Variants in NCK2 observed in about 807,000 individuals in gnomAD.
The protein encoded by NCK2 is cytoplasmic protein NCK2.
A neutral mutation model predicts 33.9 loss-of-function variants in NCK2; 16 were observed. That is an observed-to-expected ratio of 0.47 (90% CI 0.32 to 0.72). The LOEUF (loss-of-function observed/expected upper bound fraction) is 0.72. NCK2 is among the 30% of genes least tolerant of loss of function. The pLI, the probability that NCK2 is intolerant of heterozygous loss-of-function variation, is 0.03. For missense variants in NCK2, 418 were observed against 537.3 expected (o/e 0.78, Z 2.19); for synonymous variants, 273 against 239.9 (o/e 1.14, Z -1.27).
At chr2:105,778,468 G>T (rs1009121908) in intron 1 of NCK2, among the ~76,000 whole-genome samples, 2 of 152,212 alleles carry the variant, frequency 1.3e-5, no homozygotes, top group Non-Finnish European at 2.9e-5. Context: ...CCTTAACACT[G>T]TGTGCATGGG....
At chr2:105,886,046 G>A (rs529445347) in intron 4 of NCK2, among the ~76,000 whole-genome samples, 1 of 152,212 alleles carries the variant, frequency 6.6e-6, no homozygotes, top group Non-Finnish European at 1.5e-5. Flanking sequence ...GTTAGGCTCC[G>A]TGATCCATGG....
chr2:105,874,584 A>C (rs1294104369), intron 3 of NCK2, among the ~76,000 whole-genome samples: 3 of 152,244 alleles, frequency 2.0e-5, no homozygotes, highest in African/African-American at 7.2e-5. Flanking sequence ...TAGAGCCCCC[A>C]AAACTTGAGC....
chr2:105,823,903 C>T (rs17031838), intron 2 of NCK2, among the ~76,000 whole-genome samples: 46,267 of 151,892 alleles, frequency 0.3, 9,141 homozygotes, highest in African/African-American at 0.53. Context: ...CGCCTTGTTC[C>T]GTGACCTTCC....
chr2:105,762,322 G>A (rs921488746), intron 1 of NCK2, among the ~76,000 whole-genome samples: 12 of 152,150 alleles, frequency 7.9e-5, no homozygotes, highest in Admixed American at 1.3e-4. Flanking sequence ...AGGCCCGGGC[G>A]CTTCCTGCTG....
At chr2:105,819,564 G>A (rs771318200) in intron 2 of NCK2, among the ~76,000 whole-genome samples, 1 of 152,142 alleles carries the variant, frequency 6.6e-6, no homozygotes, top group Non-Finnish European at 1.5e-5. Flanking sequence ...GCTGTTGTTG[G>A]TGCTGGTTGA....
intron 2 of NCK2, among the ~76,000 whole-genome samples, chr2:105,844,144 C>T (rs1377003923): frequency 6.6e-6 from 1 of 152,112 alleles, no homozygotes; most frequent in Non-Finnish European, 1.5e-5. Context: ...CAGACAAATC[C>T]TAACGGGTGG....
At chr2:105,862,635 A>C (rs1558875226) in intron 3 of NCK2, among the ~76,000 whole-genome samples, 1 of 152,226 alleles carries the variant, frequency 6.6e-6, no homozygotes, top group Non-Finnish European at 1.5e-5. Flanking sequence ...AGTAACTAGC[A>C]AGCCTTGAAG....
rs997273665 is a variant in NCK2, at chr2:105,761,842, T to A, written c.-201+16704T>A. 3.9e-5 allele frequency among the ~76,000 whole-genome samples: 6 copies of A among 152,362 alleles called. No individual in the cohort carries two copies. The East Asian group carries it at 7.7e-4, about 20-fold the overall frequency. ...CTGCAGTGAGCCGTGATCAGGCCCC[T>A]GTACTCCAGCCTATATGACAGTGAG... On this transcript the variant is annotated intron_variant, in intron 1 of 4. Coordinates refer to ENST00000233154, the MANE Select transcript of NCK2 (RefSeq NM_003581.5).
At chr2:105,854,860 T>C (rs1009086955) in intron 2 of NCK2, 188 bp from the exon 3 acceptor site, 11 of 540,042 alleles carry the variant, frequency 2.0e-5, no homozygotes, top group African/African-American at 1.7e-4. Flanking sequence ...ATAAGGTTGC[T>C]GTTTCTAAAC....
At chr2:105,815,368 C>T (rs1013118600) in intron 1 of NCK2, among the ~76,000 whole-genome samples, 4 of 152,104 alleles carry the variant, frequency 2.6e-5, no homozygotes, top group South Asian at 2.1e-4. Flanking sequence ...AAATAGAATT[C>T]GATTTTTCTA....
intron 1 of NCK2, among the ~76,000 whole-genome samples, chr2:105,798,033 T>C (rs557449040): frequency 1.3e-5 from 2 of 152,346 alleles, no homozygotes; most frequent in Non-Finnish European, 2.9e-5. Flanking sequence ...ACATTTTTAT[T>C]AATTTATGGT....
At chr2:105,845,808 C>T (rs1030571788) in intron 2 of NCK2, among the ~76,000 whole-genome samples, 2 of 152,120 alleles carry the variant, frequency 1.3e-5, no homozygotes, top group Non-Finnish European at 2.9e-5. Context: ...TATCCGTCTA[C>T]TTTGGGAGCA....
At chr2:105,854,995 A>G (rs1677201608) in intron 2 of NCK2, 53 bp from the exon 3 acceptor site, 2 of 1,387,664 alleles carry the variant, frequency 1.4e-6, no homozygotes, top group Admixed American at 3.5e-5. Flanking sequence ...GGTGCAAAGG[A>G]TGAAGTGTCC....
At chr2:105,775,576 CCTTAA>C (rs781343965) in intron 1 of NCK2, among the ~76,000 whole-genome samples, 35 of 151,978 alleles carry the variant, frequency 2.3e-4, no homozygotes, top group African/African-American at 7.5e-4. Context: ...TGAATTTATG[CCTTAA>C]CTTAAATTGT....
chr2:105,755,472 C>T (rs34110097), intron 1 of NCK2, among the ~76,000 whole-genome samples: 37,786 of 152,132 alleles, frequency 0.25, 5,439 homozygotes, highest in Middle Eastern at 0.37. Flanking sequence ...ATTCCGTCTT[C>T]CATAAGAAGT....
intron 1 of NCK2, among the ~76,000 whole-genome samples, chr2:105,760,119 C>T (rs1388658525): frequency 3.9e-5 from 6 of 152,180 alleles, no homozygotes; most frequent in Non-Finnish European, 8.8e-5. Flanking sequence ...TTCAGCTGTA[C>T]CTCCTGTAGG....
chr2:105,887,778 C>T (rs1318736758), intron 4 of NCK2, among the ~76,000 whole-genome samples: 1 of 152,140 alleles, frequency 6.6e-6, no homozygotes, highest in African/African-American at 2.4e-5. Flanking sequence ...CTGATCAGGA[C>T]ATCTGTTTTA....
rs371354872 is a variant in NCK2, at chr2:105,840,667, T to G, written c.-16-14381T>G. Among the ~76,000 whole-genome samples the G allele has an allele frequency of 2.9e-4, 44 of 152,246 alleles. 1 individual carries two copies. The highest frequency in any genetic ancestry group is 1.4e-3 in the Admixed American group (21 of 15,284). On this transcript the variant is annotated intron_variant, in intron 2 of 4. Transcript: ENST00000233154. ...TTAACCAGTAATTCTGGCTATAAAC[T>G]GGGGTTCCCATGTTGCCTTCCTCAG... is the stretch of plus-strand genomic sequence containing the variant.
At chr2:105,816,030 G>T (rs998794115) in intron 1 of NCK2, among the ~76,000 whole-genome samples, 2 of 151,766 alleles carry the variant, frequency 1.3e-5, no homozygotes, top group Admixed American at 1.3e-4. Flanking sequence ...TCCCCAACCC[G>T]AGTGTCGGAG....
Sources: allele counts gnomAD v4.1 joint callset (sites outside exome capture counted in the v4.1 genomes callset), GRCh38; gene constraint gnomAD v4.1.1; transcripts MANE v1.5; gene names NCBI Gene and HGNC (gene_info 2026-07-23, HGNC 2026-07-21).